The following EFCC1 variants were observed in gnomAD, a reference collection of about 807,000 sequenced individuals.
EFCC1 encodes EF-hand and coiled-coil domain-containing protein 1.
EFCC1 carries 50 observed loss-of-function variants against 52.1 expected under a neutral mutation model. That is an observed-to-expected ratio of 0.96 (90% CI 0.76 to 1.21). The LOEUF (loss-of-function observed/expected upper bound fraction) is 1.21, where lower values mean the gene tolerates loss of function less well. Among genes scored for constraint, EFCC1 ranks in the 50% most tolerant of loss-of-function variants. EFCC1 has a pLI of 0.00. For synonymous variants in EFCC1, 399 were observed against 396.5 expected (o/e 1.01, Z -0.08); for missense variants, 837 against 867.3 (o/e 0.97, Z 0.44).
At position 129,034,346 on chromosome 3, in the gene EFCC1, G is replaced by T; in HGVS notation, c.1452+17G>T. 6.2e-7 allele frequency: 1 copy of T among 1,612,766 alleles called. No individual in the cohort carries two copies. Among genetic ancestry groups the T allele is most frequent in the Admixed American group, 1.7e-5 (1 of 59,944 alleles). On this transcript the variant is annotated intron_variant, in intron 5 of 7. Coordinates refer to ENST00000683648, the MANE Select transcript of EFCC1 (RefSeq NM_001377500.1). ...GAGGAGGAGGTCAGCAGAGCCTAGA[G>T]ATCAAAGGCTGGAGCAATTCTAGAG...
rs916832709 is a variant in EFCC1 at position 129,014,543 on chromosome 3, G to T, written c.980+10466G>T. ...AGACTGGATTAGGGCCCACCCTAAA[G>T]ACCTCATTTTAACTTGATTACCTCA... On this transcript the variant is annotated intron_variant, in intron 2 of 7. Transcript: ENST00000683648. This position sits in a 1 kb window ranked among gnomAD's most constrained non-coding sequence, Gnocchi z 4.3. Among the ~76,000 whole-genome samples, 1 of 152,190 alleles carries T rather than the reference G, an allele frequency of 6.6e-6. No individual in the cohort carries two copies. The highest frequency in any genetic ancestry group is 2.4e-5 in the African/African-American group (1 of 41,444).
At chr3:129,008,628 TG>T (rs144422577) in intron 2 of EFCC1, among the ~76,000 whole-genome samples, 8,987 of 152,276 alleles carry the variant, frequency 0.059, 290 homozygotes, top group Non-Finnish European at 0.066. Context: ...GACACAGAAA[TG>T]GCAGTAGACA....
intron 2 of EFCC1, among the ~76,000 whole-genome samples, chr3:129,005,232 A>T (rs9856663): frequency 0.035 from 5,406 of 152,338 alleles, 296 homozygotes; most frequent in African/African-American, 0.12. Flanking sequence ...GGCAGCAGGC[A>T]GGAGGTGGGG....
Position 129,002,226 on chromosome 3 carries a change from G to C in EFCC1, c.598G>C (p.Val200Leu). ...CGACAGCGGTCCTGACTGTGAGCGC[G>C]TTGCGCGGCTGGAGGAGGAGAATAG... ...GPDSGPDCER[V>L]ARLEEENSSL... Residue 200 changes from valine to leucine, a missense_variant, in exon 1 of 8, where the codon GTT becomes CTT. Physicochemically the swap from Val to Leu is conservative, Grantham distance 32 (BLOSUM62 1). Transcript: ENST00000683648. 1 of 1,529,002 alleles carries C rather than the reference G, an allele frequency of 6.5e-7. No homozygotes were observed. Among genetic ancestry groups the C allele is most frequent in the Non-Finnish European group, 8.7e-7 (1 of 1,143,540 alleles). 94.7% of individuals were successfully genotyped at this position (1,529,002 alleles called of 1,614,324 possible).
At position 129,010,061 on chromosome 3, in the gene EFCC1, G is replaced by T. The variant is rs776154663; in HGVS notation, c.980+5984G>T. Among the ~76,000 whole-genome samples, 4 of 152,242 alleles carry T rather than the reference G, an allele frequency of 2.6e-5. No homozygotes were observed. The highest frequency in any genetic ancestry group is 1.3e-4 in the Admixed American group (2 of 15,294). ...CACAGTAAGATGTGTGTGGACACAC[G>T]AATGGACCAGCGGGCATGGGAGTGG... is the stretch of plus-strand genomic sequence containing the variant. On this transcript the variant is annotated intron_variant, in intron 2 of 7. Coordinates refer to ENST00000683648, the MANE Select transcript of EFCC1 (RefSeq NM_001377500.1). This position sits in a 1 kb window ranked among gnomAD's most constrained non-coding sequence, Gnocchi z 4.3.
intron 7 of EFCC1, 22 bp downstream of exon 7, chr3:129,038,922 T>C: frequency 6.2e-7 from 1 of 1,611,138 alleles, no homozygotes; most frequent in Non-Finnish European, 8.5e-7. Context: ...CCCTAGTCTC[T>C]CAGAGCCCAC....
intron 2 of EFCC1, among the ~76,000 whole-genome samples, chr3:129,009,172 T>C (rs1945207434): frequency 6.6e-6 from 1 of 152,182 alleles, no homozygotes. Flanking sequence ...TCTTCTCTCC[T>C]CTGTTTTCTC....
intron 2 of EFCC1, among the ~76,000 whole-genome samples, chr3:129,027,494 G>A (rs940205690): frequency 6.6e-6 from 1 of 152,190 alleles, no homozygotes; most frequent in Non-Finnish European, 1.5e-5. Context: ...TCAGCCGCGG[G>A]AGGCTCCCTG....
At chr3:129,039,641 G>A in intron 7 of EFCC1, 71 bp from the exon 8 acceptor site, 1 of 1,509,992 alleles carries the variant, frequency 6.6e-7, no homozygotes, top group South Asian at 1.3e-5. Context: ...TCTCAGGAAG[G>A]AGGGACAGTG....
chr3:129,012,937 T>C (rs1401564397), intron 2 of EFCC1, among the ~76,000 whole-genome samples: 1 of 152,130 alleles, frequency 6.6e-6, no homozygotes, highest in African/African-American at 2.4e-5. Context: ...GGCGCATGGA[T>C]GGTTTTCTTT....
intron 4 of EFCC1, among the ~76,000 whole-genome samples, chr3:129,033,707 T>A (rs1946317467): frequency 6.6e-6 from 1 of 152,204 alleles, no homozygotes; most frequent in South Asian, 2.1e-4. Context: ...AACCAGACAG[T>A]GGCCTCTTCT....
At chr3:129,016,953 CA>C (rs1208134136) in intron 2 of EFCC1, among the ~76,000 whole-genome samples, 1 of 152,140 alleles carries the variant, frequency 6.6e-6, no homozygotes, top group Admixed American at 6.5e-5. Flanking sequence ...GTGAGAAGTC[CA>C]GGGGAGAGCA....
At chr3:129,025,815 C>T (rs1267541726) in intron 2 of EFCC1, among the ~76,000 whole-genome samples, 1 of 152,228 alleles carries the variant, frequency 6.6e-6, no homozygotes, top group African/African-American at 2.4e-5. Context: ...TTGGAAAATT[C>T]CAAAGAGTGT....
At chr3:129,038,305 A>C (rs1384161574) in intron 6 of EFCC1, among the ~76,000 whole-genome samples, 3 of 152,192 alleles carry the variant, frequency 2.0e-5, no homozygotes, top group East Asian at 3.9e-4. Flanking sequence ...AGGCAAGCAG[A>C]GACCTGGGGA....
intron 2 of EFCC1, among the ~76,000 whole-genome samples, chr3:129,027,506 C>T (rs1946158907): frequency 6.6e-6 from 1 of 152,180 alleles, no homozygotes; most frequent in Non-Finnish European, 1.5e-5. Context: ...GGCTCCCTGC[C>T]TGCCCCTCCT....
At position 129,026,738 on chromosome 3, in the gene EFCC1, G is replaced by A. The variant is rs1348102920; in HGVS notation, c.981-3965G>A. On this transcript the variant is annotated intron_variant, in intron 2 of 7. Transcript: ENST00000683648. ...TGTAGTCTGGAGCCTGTGGAGTAGG[G>A]AGATACTGGCACCTCCCCAGTGAGA... Among the ~76,000 whole-genome samples, 5 of 152,104 alleles carry A rather than the reference G, an allele frequency of 3.3e-5. No homozygotes were observed. In the South Asian group the frequency reaches 1.0e-3, roughly 31 times the overall value.
chr3:129,016,426 T>C (rs956587515), intron 2 of EFCC1, among the ~76,000 whole-genome samples: 1 of 152,010 alleles, frequency 6.6e-6, no homozygotes, highest in African/African-American at 2.4e-5. Context: ...GGCTGTGTGA[T>C]TGTGGGGGCT....
intron 6 of EFCC1, 60 bp downstream of exon 6, chr3:129,037,177 C>G (rs535958067): frequency 5.9e-6 from 9 of 1,517,704 alleles, no homozygotes; most frequent in African/African-American, 4.1e-5. Flanking sequence ...GGGAGGGAGC[C>G]CCACTTGTGT....
chr3:129,030,966 C>A, intron 3 of EFCC1, 106 bp downstream of exon 3: 2 of 1,370,336 alleles, frequency 1.5e-6, no homozygotes, highest in Non-Finnish European at 1.9e-6. Context: ...CACCAGCCTC[C>A]AAACAGAGCC....
Sources: allele counts gnomAD v4.1 joint callset (sites outside exome capture counted in the v4.1 genomes callset), GRCh38; gene constraint gnomAD v4.1.1; non-coding constraint Gnocchi (gnomAD v3.1); transcripts MANE v1.5; gene names NCBI Gene and HGNC (gene_info 2026-07-23, HGNC 2026-07-21).